SLC17A5: variants seen among roughly 807,000 people sequenced by gnomAD.
SLC17A5 encodes sialin.
A neutral mutation model predicts 59.4 loss-of-function variants in SLC17A5; 47 were observed. The ratio of observed to expected loss-of-function variants is 0.79; its 90% CI spans 0.63 to 1.01. The LOEUF is 1.01. SLC17A5 is among the 50% of genes least tolerant of loss of function. The pLI, the probability that SLC17A5 is intolerant of heterozygous loss-of-function variation, is 0.00. For missense variants in SLC17A5, 522 were observed against 595.5 expected (o/e 0.88, Z 1.28); for synonymous variants, 202 against 210.7 (o/e 0.96, Z 0.36).
At chr6:73,617,220 G>A (rs981318421) in intron 7 of SLC17A5, among the ~76,000 whole-genome samples, 1 of 151,980 alleles carries the variant, frequency 6.6e-6, no homozygotes, top group African/African-American at 2.4e-5. Context: ...GAACCTGGGA[G>A]GTGGAGGTTG....
chr6:73,653,950 G>T lies in SLC17A5; in HGVS notation c.-64C>A. The T allele has an allele frequency of 7.0e-7, 1 of 1,425,554 alleles. No individual in the cohort carries two copies. Among genetic ancestry groups the T allele is most frequent in the Non-Finnish European group, 9.6e-7 (1 of 1,037,132 alleles). 88.3% of individuals were successfully genotyped at this position (1,425,554 alleles called of 1,614,324 possible). A position where few individuals can be genotyped will look rare whatever the true frequency, so the allele number is the denominator to read the frequency against. ...GAAGGGAGCGCCGGCCCGACAGCCC[G>T]AAGCCCCCGGGCCGAGCTGGCTGGA... On this transcript the variant is annotated 5_prime_UTR_variant, in exon 1 of 11. Coordinates refer to ENST00000355773, the MANE Select transcript of SLC17A5 (RefSeq NM_012434.5).
intron 9 of SLC17A5, among the ~76,000 whole-genome samples, chr6:73,601,133 G>C (rs2150076709): frequency 1.3e-5 from 2 of 151,512 alleles, no homozygotes; most frequent in South Asian, 4.2e-4. Flanking sequence ...CATCTGGGAA[G>C]TGAGGAGCGT....
chr6:73,643,558 A>G (rs1322766841), intron 2 of SLC17A5, among the ~76,000 whole-genome samples: 3 of 151,466 alleles, frequency 2.0e-5, no homozygotes, highest in Non-Finnish European at 4.4e-5. Flanking sequence ...CTCACTGCAA[A>G]CTCCACCTCC....
intron 6 of SLC17A5, among the ~76,000 whole-genome samples, chr6:73,625,990 A>G (rs909262554): frequency 4.6e-5 from 7 of 152,194 alleles, no homozygotes; most frequent in African/African-American, 7.2e-5. Context: ...GTTTGAAGGA[A>G]TTTGGAACAT....
chr6:73,632,567 C>G (rs148890029), intron 6 of SLC17A5, among the ~76,000 whole-genome samples: 2 of 150,320 alleles, frequency 1.3e-5, no homozygotes, highest in Non-Finnish European at 2.9e-5. Flanking sequence ...TGCAGCCAGC[C>G]GAGTAGCTGG....
At chr6:73,632,383 A>C (rs1768779378) in intron 6 of SLC17A5, among the ~76,000 whole-genome samples, 1 of 145,270 alleles carries the variant, frequency 6.9e-6, no homozygotes, top group African/African-American at 2.5e-5. Context: ...AAGTGTGTCG[A>C]GAAACAACCT....
At chr6:73,647,451 G>A (rs1343148544) in intron 1 of SLC17A5, among the ~76,000 whole-genome samples, 1 of 152,260 alleles carries the variant, frequency 6.6e-6, no homozygotes, top group African/African-American at 2.4e-5. Flanking sequence ...GTGGGAGTAA[G>A]TGAAGGGGAG....
chr6:73,600,662 G>A (rs1484140906), intron 9 of SLC17A5, among the ~76,000 whole-genome samples: 1 of 151,802 alleles, frequency 6.6e-6, no homozygotes, highest in African/African-American at 2.4e-5. Flanking sequence ...CCATCATGCT[G>A]GGCTAGTTTT....
chr6:73,623,922 C>T (rs1768280136), intron 6 of SLC17A5, among the ~76,000 whole-genome samples: 1 of 151,184 alleles, frequency 6.6e-6, no homozygotes, highest in South Asian at 2.1e-4. Context: ...TGGTCTCGAT[C>T]TCCTGACCTC....
intron 6 of SLC17A5, among the ~76,000 whole-genome samples, chr6:73,630,432 C>T (rs1768647575): frequency 6.6e-6 from 1 of 152,168 alleles, no homozygotes; most frequent in African/African-American, 2.4e-5. Flanking sequence ...ACTGAGAAAA[C>T]ATTTGAACTG....
intron 1 of SLC17A5, among the ~76,000 whole-genome samples, chr6:73,649,055 T>G (rs1402094183): frequency 6.6e-6 from 1 of 151,618 alleles, no homozygotes; most frequent in African/African-American, 2.4e-5. Flanking sequence ...TGGAGTGCAG[T>G]GGCACAATCT....
intron 5 of SLC17A5, 39 bp from the exon 6 acceptor site, chr6:73,635,539 G>A: frequency 2.0e-6 from 2 of 1,015,424 alleles, no homozygotes; most frequent in Non-Finnish European, 2.9e-6. Flanking sequence ...AAATTAGAAT[G>A]TACCAAATAA....
intron 7 of SLC17A5, among the ~76,000 whole-genome samples, chr6:73,616,575 ACACAC>A (rs148032072): frequency 0.041 from 5,143 of 125,036 alleles, 110 homozygotes; most frequent in African/African-American, 0.054. Context: ...ACACACACAC[ACACAC>A]GTTTATTTTT....
chr6:73,609,441 G>A (rs1047580501), intron 9 of SLC17A5, among the ~76,000 whole-genome samples: 1 of 152,168 alleles, frequency 6.6e-6, no homozygotes, highest in African/African-American at 2.4e-5. Flanking sequence ...TTACTTCAAA[G>A]GAATGCTTTA....
chr6:73,635,454 A>G lies in SLC17A5; in HGVS notation c.747T>C (p.Ser249=), dbSNP rs1768949951. 6.2e-7 allele frequency: 1 copy of G among 1,608,976 alleles called. No individual in the cohort carries two copies. The highest frequency in any genetic ancestry group is 8.5e-7 in the Non-Finnish European group (1 of 1,177,034). The change falls in exon 6 of 11, where the codon AGT becomes AGC. Residue 249 remains serine (S), a synonymous_variant. Coordinates refer to ENST00000355773, the MANE Select transcript of SLC17A5 (RefSeq NM_012434.5). ...FWFLLWIWLV[S]DTPQKHKRIS... Reference sequence around the variant, plus strand: ...TTCTCTTGTGTTTTTGTGGTGTGTCACTAACTAACCAGATCCACAAAAGAA... The same window carrying G: ...TTCTCTTGTGTTTTTGTGGTGTGTCGCTAACTAACCAGATCCACAAAAGAA...
At chr6:73,598,072 AAGAC>A (rs1453270742) in intron 10 of SLC17A5, among the ~76,000 whole-genome samples, 1 of 152,214 alleles carries the variant, frequency 6.6e-6, no homozygotes, top group East Asian at 1.9e-4. Context: ...TAGGATTACT[AAGAC>A]AAAGCTGCCC....
chr6:73,638,863 A>T (rs1415332067), intron 3 of SLC17A5, among the ~76,000 whole-genome samples: 5 of 152,196 alleles, frequency 3.3e-5, no homozygotes, highest in African/African-American at 4.8e-5. Flanking sequence ...GTTTTAAGAC[A>T]ACAAGATAAG....
intron 1 of SLC17A5, among the ~76,000 whole-genome samples, chr6:73,651,536 A>G (rs979352884): frequency 2.0e-5 from 3 of 147,336 alleles, no homozygotes; most frequent in Non-Finnish European, 3.0e-5. Context: ...AAGTATTATT[A>G]TTATTTTATT....
At chr6:73,622,294 CTTTCTTTTTTTTTTT>C (rs1768188981) in intron 6 of SLC17A5, among the ~76,000 whole-genome samples, 3 of 149,370 alleles carry the variant, frequency 2.0e-5, no homozygotes, top group Non-Finnish European at 3.0e-5. Context: ...CTATTTCTTT[CTTTCTTTTTTTTTTT>C]TTTCTTTTTT....
Sources: allele counts gnomAD v4.1 joint callset (sites outside exome capture counted in the v4.1 genomes callset), GRCh38; gene constraint gnomAD v4.1.1; transcripts MANE v1.5; gene names NCBI Gene and HGNC (gene_info 2026-07-23, HGNC 2026-07-21).